The following ARHGAP44 variants were observed in gnomAD, a reference collection of about 807,000 sequenced individuals.
ARHGAP44 encodes rho GTPase-activating protein 44.
Under a neutral mutation model 106.8 loss-of-function variants are expected in ARHGAP44, and 43 were observed. The observed-to-expected ratio is 0.40, with a 90% CI of 0.32 to 0.52. The LOEUF is 0.52. ARHGAP44 is among the 20% of genes least tolerant of loss of function. The probability of loss-of-function intolerance (pLI) is 0.48; values close to 1 mark genes in which losing one functional copy is unlikely to be tolerated. For synonymous variants in ARHGAP44, 439 were observed against 410.3 expected, an observed-to-expected ratio of 1.07 and a Z score of -0.85; for missense variants, 866 against 1,050.5, an observed-to-expected ratio of 0.82 and a Z score of 2.43.
chr17:12,969,466 CA>C (rs542211628), intron 16 of ARHGAP44, among the ~76,000 whole-genome samples: 91 of 152,246 alleles, frequency 6.0e-4, no homozygotes, highest in African/African-American at 2.2e-3. Context: ...TTCCATTTTA[CA>C]AAGGATGATT....
At chr17:12,860,856 CTTTTTTTTTTTTT>C (rs71144929) in intron 1 of ARHGAP44, among the ~76,000 whole-genome samples, 52 of 135,732 alleles carry the variant, frequency 3.8e-4, no homozygotes, top group Admixed American at 4.4e-4. Context: ...TTTTTCTATT[CTTTTTTTTTTTTT>C]TTTTTTTTTT....
At chr17:12,810,492 G>C (rs762054162) in intron 1 of ARHGAP44, among the ~76,000 whole-genome samples, 1 of 152,142 alleles carries the variant, frequency 6.6e-6, no homozygotes, top group Non-Finnish European at 1.5e-5. Context: ...GAGGATGAGG[G>C]CTGGTCACCA....
At chr17:12,881,840 T>C (rs1211837448) in intron 1 of ARHGAP44, among the ~76,000 whole-genome samples, 1 of 152,022 alleles carries the variant, frequency 6.6e-6, no homozygotes, top group Non-Finnish European at 1.5e-5. Context: ...ACTACAGGCA[T>C]GCATCTTCGC....
rs577314062 is a variant in ARHGAP44, at chr17:12,868,231, T to C, written c.54-26709T>C. 9.2e-5 allele frequency among the ~76,000 whole-genome samples: 14 copies of C among 152,278 alleles called. No homozygotes were observed. In the South Asian group the frequency reaches 2.7e-3, roughly 29 times the overall value. On this transcript the variant is annotated intron_variant, in intron 1 of 20. Coordinates refer to ENST00000379672, the MANE Select transcript of ARHGAP44 (RefSeq NM_014859.6). ...CTGCGTCTTCATATGGTCTTCCTTT[T>C]GTGTGTGTCTGTATCCTTGTCACTT... is the stretch of plus-strand genomic sequence containing the variant.
chr17:12,965,531 C>T (rs77459168), intron 16 of ARHGAP44, among the ~76,000 whole-genome samples: 15,289 of 152,196 alleles, frequency 0.1, 895 homozygotes, highest in South Asian at 0.2. Flanking sequence ...TAGAATAATT[C>T]GAACTGTGCC....
chr17:12,828,636 CTTTTTT>C (rs34860101), intron 1 of ARHGAP44, among the ~76,000 whole-genome samples: 7 of 93,268 alleles, frequency 7.5e-5, no homozygotes, highest in African/African-American at 2.3e-4. Context: ...TTTTTTCTTT[CTTTTTT>C]TTTTTTTTTT....
Position 12,973,337 on chromosome 17 carries a change from A to G in ARHGAP44, c.1541+18A>G. 1 of 1,605,800 alleles carries G rather than the reference A, an allele frequency of 6.2e-7. No homozygotes were observed. ...ATCCAAAGGTATGGTATCCTCTGGT[A>G]GCTATGAGGCCATGCTCAGTCTCTT... is the stretch of plus-strand genomic sequence containing the variant. On this transcript the variant is annotated intron_variant, in intron 17 of 20. Coordinates refer to ENST00000379672, the MANE Select transcript of ARHGAP44 (RefSeq NM_014859.6).
chr17:12,925,124 A>G (rs2150961549), intron 6 of ARHGAP44, among the ~76,000 whole-genome samples: 1 of 152,156 alleles, frequency 6.6e-6, no homozygotes, highest in African/African-American at 2.4e-5. Flanking sequence ...TGATTTCTTC[A>G]AGGTCACTGG....
At chr17:12,903,140 A>AGAGAGAGAGT (rs1403029479) in intron 3 of ARHGAP44, among the ~76,000 whole-genome samples, 5 of 57,576 alleles carry the variant, frequency 8.7e-5, no homozygotes, top group Admixed American at 7.6e-4. Flanking sequence ...AGAGAGAGAG[A>AGAGAGAGAGT]GTGTGTGTGT....
intron 12 of ARHGAP44, among the ~76,000 whole-genome samples, chr17:12,951,787 C>A (rs1430351591): frequency 6.6e-6 from 1 of 152,164 alleles, no homozygotes; most frequent in African/African-American, 2.4e-5. Context: ...CTGTGTGCAT[C>A]ATTATGTCCT....
At chr17:12,875,765 G>C (rs948849746) in intron 1 of ARHGAP44, among the ~76,000 whole-genome samples, 3 of 152,106 alleles carry the variant, frequency 2.0e-5, no homozygotes, top group African/African-American at 7.2e-5. Flanking sequence ...CCAACATGGT[G>C]AAACCCCGTC....
rs1263314449 is a variant in ARHGAP44, at chr17:12,838,589, A to G, written c.53+48698A>G. Among the ~76,000 whole-genome samples, 3 of 152,240 alleles carry G rather than the reference A, an allele frequency of 2.0e-5. No individual in the cohort carries two copies. The East Asian group carries it at 5.8e-4, about 29-fold the overall frequency. ...GTGGAGGGAATCAGGGGTGACGTTG[A>G]CTTGCTGGAAAATTCCCTCTGAATT... On this transcript the variant is annotated intron_variant, in intron 1 of 20. Coordinates refer to ENST00000379672, the MANE Select transcript of ARHGAP44 (RefSeq NM_014859.6).
At chr17:12,888,741 G>A (rs1245291354) in intron 1 of ARHGAP44, among the ~76,000 whole-genome samples, 1 of 152,064 alleles carries the variant, frequency 6.6e-6, no homozygotes, top group Non-Finnish European at 1.5e-5. Flanking sequence ...CATTGTATCA[G>A]TTTTTTGCTT....
intron 7 of ARHGAP44, among the ~76,000 whole-genome samples, chr17:12,933,849 C>A (rs1465426626): frequency 1.5e-5 from 2 of 131,540 alleles, no homozygotes; most frequent in Non-Finnish European, 3.3e-5. Flanking sequence ...CACATAAATT[C>A]TTTTTTTTTT....
At chr17:12,894,393 C>T (rs1474051893) in intron 1 of ARHGAP44, among the ~76,000 whole-genome samples, 1 of 152,016 alleles carries the variant, frequency 6.6e-6, no homozygotes, top group Non-Finnish European at 1.5e-5. Context: ...GCAGGCAGTG[C>T]TAATGGGTTA....
intron 1 of ARHGAP44, among the ~76,000 whole-genome samples, chr17:12,802,953 ATATATATATATATATATTT>A (rs1438819593): frequency 0.017 from 356 of 21,508 alleles, 11 homozygotes; most frequent in African/African-American, 0.15. Flanking sequence ...ATATATATAT[ATATATATATATATATATTT>A]TTTTTTTTTT....
chr17:12,973,886 GGCT>G (rs1251234024), intron 17 of ARHGAP44, 200 bp from the exon 18 acceptor site: 1 of 616,860 alleles, frequency 1.6e-6, no homozygotes, highest in African/African-American at 1.9e-5. Context: ...GCCAGGACTG[GGCT>G]GCCCAGGGCT....
At chr17:12,974,020 TG>T in intron 17 of ARHGAP44, 68 bp from the exon 18 acceptor site, 1 of 1,469,028 alleles carries the variant, frequency 6.8e-7, no homozygotes, top group Non-Finnish European at 9.3e-7. Context: ...TGCTTGAATG[TG>T]GGGGAGGGAG....
At chr17:12,911,097 T>TG (rs2037723664) in intron 4 of ARHGAP44, among the ~76,000 whole-genome samples, 2 of 141,182 alleles carry the variant, frequency 1.4e-5, no homozygotes, top group African/African-American at 5.3e-5. Context: ...AAAATGAGGG[T>TG]GGTAGCAATC....
Sources: gnomAD v4.1 joint callset for allele counts (sites outside exome capture counted in the v4.1 genomes callset) on GRCh38, gnomAD v4.1.1 for gene constraint, MANE v1.5 for transcripts, NCBI Gene and HGNC (gene_info 2026-07-23, HGNC 2026-07-21) for gene names.